Variants in ENDOD1 observed in about 807,000 individuals in gnomAD.
ENDOD1 encodes the protein endonuclease domain-containing 1 protein.
Under a neutral mutation model 6.5 loss-of-function variants are expected in ENDOD1, and 9 were observed. The observed-to-expected ratio is 1.39, with a 90% CI of 0.84 to 2.43. ENDOD1 has a LOEUF of 2.43. Ranked by LOEUF, ENDOD1 falls within the 30% of genes most tolerant of loss-of-function variation. ENDOD1 has a pLI of 0.00. For missense variants in ENDOD1, 648 were observed against 635.5 expected (o/e 1.02, Z -0.21); for synonymous variants, 255 against 255.2 (o/e 1.00, Z 0.01).
intron 1 of ENDOD1, among the ~76,000 whole-genome samples, chr11:95,119,098 C>G (rs764058309): frequency 6.6e-6 from 1 of 152,186 alleles, no homozygotes. Flanking sequence ...CTTTGAGTTT[C>G]CTCAGCACAT....
At chr11:95,117,280 G>C (rs1269153080) in intron 1 of ENDOD1, among the ~76,000 whole-genome samples, 2 of 152,184 alleles carry the variant, frequency 1.3e-5, no homozygotes, top group Non-Finnish European at 2.9e-5. Context: ...GTGGTGGCAT[G>C]TGCCTGTAAT....
At chr11:95,091,038 C>A (rs1555109848) in intron 1 of ENDOD1, among the ~76,000 whole-genome samples, 1 of 152,220 alleles carries the variant, frequency 6.6e-6, no homozygotes, top group Non-Finnish European at 1.5e-5. Context: ...CGTGTCACCT[C>A]TCATGGTGTT....
chr11:95,124,679 A>C (rs1356574252), intron 1 of ENDOD1, among the ~76,000 whole-genome samples: 1 of 152,172 alleles, frequency 6.6e-6, no homozygotes, highest in Non-Finnish European at 1.5e-5. Flanking sequence ...ATCCTGGCTT[A>C]TTTGCCATGT....
At chr11:95,108,527 AGACACC>A (rs1555111631) in intron 1 of ENDOD1, among the ~76,000 whole-genome samples, 4 of 149,554 alleles carry the variant, frequency 2.7e-5, no homozygotes, top group African/African-American at 9.8e-5. Flanking sequence ...ACACACACAC[AGACACC>A]CAAAAAAAGA....
intron 1 of ENDOD1, among the ~76,000 whole-genome samples, chr11:95,124,155 A>G (rs1301141953): frequency 1.3e-5 from 2 of 152,232 alleles, no homozygotes. Flanking sequence ...AGAGAAAAAA[A>G]GGAGAATTTG....
At position 95,128,804 on chromosome 11, in the gene ENDOD1, G is replaced by A. The variant is rs1431905393; in HGVS notation, c.728G>A (p.Ser243Asn). 2.5e-6 allele frequency: 4 copies of A among 1,614,074 alleles called. No individual in the cohort carries two copies. The highest frequency in any genetic ancestry group is 3.4e-6 in the Non-Finnish European group (4 of 1,180,034). The change falls in exon 2 of 2, where the codon AGT becomes AAT. Residue 243 changes from serine (S) to asparagine (N), a missense_variant. Physicochemically the swap from Ser to Asn is conservative, Grantham distance 46. Transcript: ENST00000278505. ...GGCTTTGTCAAGCACACCCGGGACAGTGACATCATAGAAGATGTGATGGTA... is the reference window on the plus strand; with the variant it reads ...GGCTTTGTCAAGCACACCCGGGACAATGACATCATAGAAGATGTGATGGTA... ...AMGFVKHTRD[S>N]DIIEDVMVKD...
intron 1 of ENDOD1, among the ~76,000 whole-genome samples, chr11:95,100,737 T>A (rs77667714): frequency 6.6e-6 from 1 of 151,724 alleles, no homozygotes; most frequent in South Asian, 2.1e-4. Flanking sequence ...GTTCAAGTGA[T>A]CCTCCTGTAT....
At chr11:95,127,397 A>C (rs1315544454) in intron 1 of ENDOD1, among the ~76,000 whole-genome samples, 1 of 152,240 alleles carries the variant, frequency 6.6e-6, no homozygotes, top group Admixed American at 6.5e-5. Flanking sequence ...CCAAGACACA[A>C]AATGAATTGT....
chr11:95,121,252 G>T (rs887520446), intron 1 of ENDOD1, among the ~76,000 whole-genome samples: 1 of 152,158 alleles, frequency 6.6e-6, no homozygotes, highest in African/African-American at 2.4e-5. Context: ...ATCTTGCTGT[G>T]CTCCCTCTTC....
chr11:95,096,501 TCAAA>T (rs1219259406), intron 1 of ENDOD1, among the ~76,000 whole-genome samples: 2 of 152,128 alleles, frequency 1.3e-5, no homozygotes, highest in Non-Finnish European at 1.5e-5. Flanking sequence ...AATCAAAAGG[TCAAA>T]CAGAGGGTAG....
Position 95,112,465 on chromosome 11 carries a change from A to G in ENDOD1, c.301-15912A>G, listed in dbSNP as rs142651505. ...TGACATGGAGATGATAATGATACCTATCTTGTAGGGTTATGTGAAGGGTAA... is the reference window on the plus strand; with the variant it reads ...TGACATGGAGATGATAATGATACCTGTCTTGTAGGGTTATGTGAAGGGTAA... On this transcript the variant is annotated intron_variant, in intron 1 of 1. Transcript: ENST00000278505. Among the ~76,000 whole-genome samples the G allele has an allele frequency of 2.2e-3, 338 of 152,310 alleles. 1 individual carries two copies. Among genetic ancestry groups the G allele is most frequent in the African/African-American group, 7.7e-3 (319 of 41,554 alleles).
At chr11:95,098,696 G>T (rs1859009753) in intron 1 of ENDOD1, among the ~76,000 whole-genome samples, 2 of 147,986 alleles carry the variant, frequency 1.4e-5, no homozygotes, top group South Asian at 4.3e-4. Flanking sequence ...CTTTTCTAGT[G>T]TTTTTTTTTT....
In ENDOD1 at chr11:95,132,465, C is replaced by A. The variant is rs1230730679; in HGVS notation, c.*2886C>A. ...TGGTACAATCGTAACACATGAAGGA[C>A]AAGTAAGTGCTGCAGTAAAGGTACT... On this transcript the variant is annotated 3_prime_UTR_variant, in exon 2 of 2. Coordinates refer to ENST00000278505, the MANE Select transcript of ENDOD1 (RefSeq NM_015036.3). 1 of 152,124 alleles carries A rather than the reference C, an allele frequency of 6.6e-6. No individual in the cohort carries two copies. The highest frequency in any genetic ancestry group is 1.5e-5 in the Non-Finnish European group (1 of 68,036). 9.4% of individuals were successfully genotyped at this position (152,124 alleles called of 1,614,324 possible).
At chr11:95,099,866 T>G (rs1225966034) in intron 1 of ENDOD1, among the ~76,000 whole-genome samples, 1 of 152,154 alleles carries the variant, frequency 6.6e-6, no homozygotes, top group African/African-American at 2.4e-5. Flanking sequence ...AACTAAGGGA[T>G]CCAAGTCAAC....
intron 1 of ENDOD1, among the ~76,000 whole-genome samples, chr11:95,124,844 G>A (rs576842752): frequency 6.6e-6 from 1 of 152,296 alleles, no homozygotes; most frequent in East Asian, 1.9e-4. Context: ...TGCAGCACTG[G>A]AAGACCACGC....
chr11:95,123,623 C>T (rs927827840), intron 1 of ENDOD1, among the ~76,000 whole-genome samples: 1 of 147,960 alleles, frequency 6.8e-6, no homozygotes, highest in African/African-American at 2.5e-5. Context: ...AAAGCAGATA[C>T]ATTTTGGGAT....
In ENDOD1 at chr11:95,105,624, T is replaced by C. The variant is rs185641796; in HGVS notation, c.300+15397T>C. 1.7e-3 allele frequency among the ~76,000 whole-genome samples: 263 copies of C among 152,274 alleles called. 2 individuals are homozygous for C. The highest frequency in any genetic ancestry group is 6.2e-3 in the African/African-American group (257 of 41,530). ...AGTATTTTTCCCCTCCCTGTGTCCA[T>C]GTGTTCTCATTGTTCAGCTCCTACT... On this transcript the variant is annotated intron_variant, in intron 1 of 1. Coordinates refer to ENST00000278505, the MANE Select transcript of ENDOD1 (RefSeq NM_015036.3).
At chr11:95,111,380 G>C (rs114379503) in intron 1 of ENDOD1, among the ~76,000 whole-genome samples, 1 of 151,970 alleles carries the variant, frequency 6.6e-6, no homozygotes, top group Non-Finnish European at 1.5e-5. Flanking sequence ...GGATGGTTTC[G>C]GGATGATTCA....
intron 1 of ENDOD1, among the ~76,000 whole-genome samples, chr11:95,112,186 G>A (rs1254648668): frequency 6.6e-6 from 1 of 152,128 alleles, no homozygotes; most frequent in African/African-American, 2.4e-5. Context: ...TTGACTTTTG[G>A]CATGACCCTA....
Sources: allele counts gnomAD v4.1 joint callset (sites outside exome capture counted in the v4.1 genomes callset), GRCh38; gene constraint gnomAD v4.1.1; transcripts MANE v1.5; gene names NCBI Gene and HGNC (gene_info 2026-07-23, HGNC 2026-07-21).